Variants in CLNK observed in about 807,000 individuals in gnomAD.
The protein encoded by CLNK is cytokine dependent hematopoietic cell linker.
A neutral mutation model predicts 68.6 loss-of-function variants in CLNK; 74 were observed. That is an observed-to-expected ratio of 1.08 (90% CI 0.89 to 1.31). The LOEUF is 1.31. Among genes scored for constraint, CLNK ranks in the 50% most tolerant of loss-of-function variants. The pLI is 0.00. For synonymous variants in CLNK, 198 were observed against 172.2 expected, an observed-to-expected ratio of 1.15 and a Z score of -1.17; for missense variants, 553 against 515.3, an observed-to-expected ratio of 1.07 and a Z score of -0.71.
At chr4:10,711,570 C>T in the CLNK span, among the ~76,000 whole-genome samples, 1 of 151,166 alleles carries the variant, frequency 6.6e-6, no homozygotes, top group Non-Finnish European at 1.5e-5. Flanking sequence ...CCAATTAAAA[C>T]TGGAAAGATA....
chr4:10,717,464 T>G, the CLNK span, among the ~76,000 whole-genome samples: 5 of 152,294 alleles, frequency 3.3e-5, no homozygotes, highest in African/African-American at 1.2e-4. Flanking sequence ...GATGTGGTTA[T>G]GCACGCCTGT....
intron 4 of CLNK, among the ~76,000 whole-genome samples, chr4:10,581,537 G>T (rs546185682): frequency 9.2e-5 from 14 of 152,258 alleles, no homozygotes; most frequent in African/African-American, 2.9e-4. Flanking sequence ...TGAAGAACAG[G>T]CATAATGTTC....
intron 2 of CLNK, among the ~76,000 whole-genome samples, chr4:10,605,752 C>G (rs890534667): frequency 7.6e-6 from 1 of 132,086 alleles, no homozygotes; most frequent in African/African-American, 2.8e-5. Context: ...CGCTTGAAGC[C>G]AGGAGGCAGA....
chr4:10,603,652 T>A (rs568519970), intron 2 of CLNK, among the ~76,000 whole-genome samples: 1 of 152,278 alleles, frequency 6.6e-6, no homozygotes, highest in East Asian at 1.9e-4. Flanking sequence ...TGTGATGCAG[T>A]TGCAACAGAG....
intron 2 of CLNK, among the ~76,000 whole-genome samples, chr4:10,620,251 C>T (rs978002316): frequency 2.0e-5 from 3 of 152,118 alleles, no homozygotes; most frequent in Admixed American, 6.5e-5. Flanking sequence ...CCGTAGTAGC[C>T]GTAACTAACT....
chr4:10,583,396 C>A (rs1720858069), intron 4 of CLNK, among the ~76,000 whole-genome samples: 1 of 152,082 alleles, frequency 6.6e-6, no homozygotes, highest in African/African-American at 2.4e-5. Context: ...AAGTGACTGT[C>A]CTGCCTCAGC....
intron 2 of CLNK, among the ~76,000 whole-genome samples, chr4:10,653,358 A>AT (rs1723830404): frequency 1.4e-5 from 2 of 147,938 alleles, no homozygotes; most frequent in South Asian, 4.4e-4. Context: ...AACTTAAAGT[A>AT]TAAAAAAAAA....
chr4:10,545,331 G>A (rs1334692327), intron 8 of CLNK, among the ~76,000 whole-genome samples: 1 of 152,132 alleles, frequency 6.6e-6, no homozygotes, highest in Non-Finnish European at 1.5e-5. Context: ...AAGAAGAAAG[G>A]GATAACAGGC....
intron 18 of CLNK, among the ~76,000 whole-genome samples, chr4:10,497,847 G>A (rs988846056): frequency 5.3e-5 from 8 of 152,314 alleles, no homozygotes; most frequent in African/African-American, 1.9e-4. Context: ...CCATGTCCAC[G>A]TCCTCTATTC....
chr4:10,688,636 A>G (rs1225071546), upstream of CLNK, among the ~76,000 whole-genome samples: 1 of 152,162 alleles, frequency 6.6e-6, no homozygotes, highest in African/African-American at 2.4e-5. Context: ...CTTTAAAAAG[A>G]GGTATACTAC....
intron 16 of CLNK, among the ~76,000 whole-genome samples, chr4:10,512,840 C>A (rs1717651287): frequency 6.6e-6 from 1 of 151,098 alleles, no homozygotes; most frequent in East Asian, 1.9e-4. Flanking sequence ...GAAACTTTAT[C>A]CCCCCCACCA....
chr4:10,621,095 C>T (rs899899042), intron 2 of CLNK, among the ~76,000 whole-genome samples: 1 of 152,002 alleles, frequency 6.6e-6, no homozygotes, highest in Non-Finnish European at 1.5e-5. Context: ...GACTCCGTCT[C>T]GAAAACAGAA....
intron 11 of CLNK, among the ~76,000 whole-genome samples, chr4:10,537,632 T>TCC (rs1202024443): frequency 3.7e-4 from 51 of 136,978 alleles, no homozygotes; most frequent in East Asian, 6.9e-4. Context: ...TTTCTTTCTT[T>TCC]CTTTCTCTTT....
At chr4:10,569,719 C>T (rs577161338) in intron 5 of CLNK, among the ~76,000 whole-genome samples, 34 of 152,242 alleles carry the variant, frequency 2.2e-4, no homozygotes, top group Non-Finnish European at 2.5e-4. Flanking sequence ...AATCTGCAGC[C>T]GGCATCATGT....
At chr4:10,535,560 C>T (rs955912448) in intron 11 of CLNK, among the ~76,000 whole-genome samples, 6 of 152,150 alleles carry the variant, frequency 3.9e-5, no homozygotes, top group Admixed American at 3.3e-4. Flanking sequence ...TGCTGTTACT[C>T]AGGATGATTT....
Position 10,490,549 on chromosome 4 carries a change from C to G in CLNK, c.1205G>C (p.Gly402Ala), listed in dbSNP as rs1315850323. The part of the protein sequence containing the change: ...YKNFPIILID[G>A]KDKTGVHRKQ... ...CCTGTGGACCCCAGTTTTATCTTTCCCATCAATTAGTATAATGGGAAAATT... is the reference window on the plus strand; with the variant it reads ...CCTGTGGACCCCAGTTTTATCTTTCGCATCAATTAGTATAATGGGAAAATT... The change falls in exon 19 of 19, where the codon GGG (glycine) becomes GCG (alanine). Residue 402 changes from glycine to alanine, a missense_variant. Physicochemically the swap from Gly to Ala is moderately conservative, Grantham distance 60 (BLOSUM62 0). Transcript: ENST00000226951. The G allele has an allele frequency of 3.1e-6, 5 of 1,604,342 alleles. No individual in the cohort carries two copies. The South Asian group carries it at 4.5e-5, about 14-fold the overall frequency.
chr4:10,652,495 T>C (rs1442828216), intron 2 of CLNK, among the ~76,000 whole-genome samples: 1 of 150,922 alleles, frequency 6.6e-6, no homozygotes, highest in East Asian at 1.9e-4. Context: ...AAAGTGTCAA[T>C]ATAAAATGAT....
chr4:10,543,625 CT>C (rs763742256), intron 8 of CLNK, among the ~76,000 whole-genome samples: 20 of 152,182 alleles, frequency 1.3e-4, no homozygotes, highest in Non-Finnish European at 2.6e-4. Flanking sequence ...TTAGATTCCC[CT>C]TGGTGAAAGG....
intron 4 of CLNK, among the ~76,000 whole-genome samples, chr4:10,580,870 T>C (rs1720753537): frequency 6.6e-6 from 1 of 152,194 alleles, no homozygotes; most frequent in Non-Finnish European, 1.5e-5. Flanking sequence ...ATCAGTTCGA[T>C]GTAGCCTAAG....
Sources: allele counts gnomAD v4.1 joint callset (sites outside exome capture counted in the v4.1 genomes callset), GRCh38; gene constraint gnomAD v4.1.1; transcripts MANE v1.5; gene names NCBI Gene and HGNC (gene_info 2026-07-23, HGNC 2026-07-21).